IPO7: variants seen among roughly 807,000 people sequenced by gnomAD.
IPO7 encodes importin 7, also known as importin-7.
IPO7 carries 13 observed loss-of-function variants against 136.4 expected under a neutral mutation model. The ratio of observed to expected loss-of-function variants is 0.10; its 90% CI spans 0.06 to 0.15. IPO7 has a LOEUF of 0.15. Ranked by LOEUF, IPO7 falls within the 10% of genes least tolerant of loss-of-function variation. The pLI, the probability that IPO7 is intolerant of heterozygous loss-of-function variation, is 1.00. For missense variants in IPO7, 857 were observed against 1,240.6 expected (o/e 0.69, Z 4.65); for synonymous variants, 403 against 404.4 (o/e 1.00, Z 0.04).
intron 1 of IPO7, among the ~76,000 whole-genome samples, chr11:9,393,946 T>C (rs542593376): frequency 6.6e-6 from 1 of 152,188 alleles, no homozygotes; most frequent in East Asian, 1.9e-4. Context: ...GCAGTGGTGC[T>C]ATCTCGGCTC....
intron 1 of IPO7, among the ~76,000 whole-genome samples, chr11:9,398,264 A>G (rs1312320542): frequency 6.6e-6 from 1 of 152,224 alleles, no homozygotes; most frequent in Non-Finnish European, 1.5e-5. Context: ...GGGGATATAA[A>G]CAGTATAGTT....
intron 4 of IPO7, 127 bp from the exon 5 acceptor site, chr11:9,414,128 T>C: frequency 4.8e-6 from 3 of 626,372 alleles, no homozygotes; most frequent in Non-Finnish European, 7.8e-6. Context: ...TTGTTCTAGA[T>C]ATTTTTCTTT....
intron 5 of IPO7, among the ~76,000 whole-genome samples, chr11:9,414,878 G>A (rs932301768): frequency 1.3e-5 from 2 of 151,654 alleles, no homozygotes; most frequent in African/African-American, 2.4e-5. Context: ...CCTGCCTTGG[G>A]CTCCCAAAGT....
chr11:9,440,439 T>C lies in IPO7; in HGVS notation c.2696-16T>C, dbSNP rs979655363. 2.5e-6 allele frequency: 4 copies of C among 1,590,408 alleles called. No homozygotes were observed. The highest frequency in any genetic ancestry group is 1.7e-4 in the Middle Eastern group (1 of 6,044). On this transcript the variant is annotated splice_polypyrimidine_tract_variant and intron_variant, in intron 22 of 24. Coordinates refer to ENST00000379719, the MANE Select transcript of IPO7 (RefSeq NM_006391.3). ...TATGTCATTGTTATAAAAGTACTTA[T>C]ATTATGACTTGGCAGAGGAACTGGG...
chr11:9,422,226 C>T (rs1855143228), intron 8 of IPO7, among the ~76,000 whole-genome samples: 1 of 151,666 alleles, frequency 6.6e-6, no homozygotes, highest in African/African-American at 2.4e-5. Flanking sequence ...TTGCGGTGGG[C>T]CGAGATTGCA....
chr11:9,427,749 G>C (rs1430572080), intron 12 of IPO7, among the ~76,000 whole-genome samples: 1 of 152,154 alleles, frequency 6.6e-6, no homozygotes, highest in Non-Finnish European at 1.5e-5. Flanking sequence ...GGTAGGCAAA[G>C]TTATCAAAAA....
chr11:9,414,271 G>A lies in IPO7; in HGVS notation c.496G>A (p.Glu166Lys), dbSNP rs1475752135. 1 of 1,610,608 alleles carries A rather than the reference G, an allele frequency of 6.2e-7. No homozygotes were observed. Among genetic ancestry groups the A allele is most frequent in the Non-Finnish European group, 8.5e-7 (1 of 1,179,104 alleles). ...VKNYEYKKPEERSPLVAAMQH... is the reference protein window; with the variant it reads ...VKNYEYKKPEKRSPLVAAMQH... The stretch of plus-strand genomic sequence containing the variant: ...TACTCAAAGGTATAAAAAACCAGAG[G>A]AGCGGAGTCCATTGGTAGCAGCAAT... Residue 166 changes from glutamate (E) to lysine (K), a missense_variant, in exon 5 of 25, where the codon GAG becomes AAG. By Grantham distance (56) the Glu-to-Lys change is moderately conservative. Transcript: ENST00000379719.
intron 22 of IPO7, among the ~76,000 whole-genome samples, chr11:9,439,935 A>G (rs1855438141): frequency 1.3e-5 from 2 of 152,186 alleles, no homozygotes; most frequent in Non-Finnish European, 2.9e-5. Flanking sequence ...TGTTGACTAA[A>G]TTTATTGGAG....
chr11:9,396,117 C>T (rs547024687), intron 1 of IPO7, among the ~76,000 whole-genome samples: 2 of 151,806 alleles, frequency 1.3e-5, no homozygotes, highest in Admixed American at 6.6e-5. Flanking sequence ...AGTGTTGGGC[C>T]GGGCGTGGTG....
Position 9,438,077 on chromosome 11 carries a change from T to TTTTTTA in IPO7, c.2490-3_2490-2insTTTTTA. ...TTTTTTTTTTTTTTTTTTTTTTTTT[T>TTTTTTA]AGGCTTCATGACAGAAAGATGTGTG... On this transcript the variant is annotated splice_region_variant and splice_polypyrimidine_tract_variant and intron_variant, in intron 21 of 24. Coordinates refer to ENST00000379719, the MANE Select transcript of IPO7 (RefSeq NM_006391.3). 8.3e-7 allele frequency: 1 copy of TTTTTTA among 1,201,300 alleles called. No homozygotes were observed. Among genetic ancestry groups the TTTTTTA allele is most frequent in the Non-Finnish European group, 1.2e-6 (1 of 866,686 alleles). The allele number at this position is 1,201,300 out of a possible 1,614,324, so 74.4% of individuals were successfully genotyped here. A position where few individuals can be genotyped will look rare whatever the true frequency, so the allele number is the denominator to read the frequency against.
At chr11:9,433,049 C>G (rs1434361359) in intron 16 of IPO7, 1 of 139,160 alleles carries the variant, frequency 7.2e-6, no homozygotes, top group African/African-American at 2.7e-5. Flanking sequence ...ACTGCAATGG[C>G]GCTCGGCTCA....
chr11:9,404,262 G>A (rs930541991), intron 2 of IPO7, among the ~76,000 whole-genome samples: 1 of 151,962 alleles, frequency 6.6e-6, no homozygotes, highest in African/African-American at 2.4e-5. Flanking sequence ...TCAGGAAATC[G>A]AGACCATCCT....
intron 8 of IPO7, 116 bp from the exon 9 acceptor site, chr11:9,422,890 T>G (rs910460777): frequency 3.6e-6 from 2 of 553,162 alleles, no homozygotes; most frequent in Non-Finnish European, 6.4e-6. Flanking sequence ...AGTATACGGT[T>G]GTTTTTCTTG....
In IPO7 at chr11:9,384,682, G is replaced by T; in HGVS notation, c.-82G>T. 4.3e-6 allele frequency: 5 copies of T among 1,165,720 alleles called. No homozygotes were observed. The highest frequency in any genetic ancestry group is 1.6e-5 in the African/African-American group (1 of 62,638). The allele number at this position is 1,165,720 out of a possible 1,614,324, so 72.2% of individuals were successfully genotyped here. ...CGCGCCGGTTGCCGCTGCGGAGCGCGGCGGGTCCATGTGCGCAGTGAGTGG... is the reference window on the plus strand; with the variant it reads ...CGCGCCGGTTGCCGCTGCGGAGCGCTGCGGGTCCATGTGCGCAGTGAGTGG... On this transcript the variant is annotated 5_prime_UTR_variant, in exon 1 of 25. Transcript: ENST00000379719.
At position 9,410,109 on chromosome 11, in the gene IPO7, A is replaced by G. The variant is rs377536054; in HGVS notation, c.479+23A>G. The stretch of plus-strand genomic sequence containing the variant: ...TGAGTAAGTGTTTCTTTCAACTCCT[A>G]TAGAGCTTTGAGAAGTAGGAAAAGT... On this transcript the variant is annotated intron_variant, in intron 4 of 24. Coordinates refer to ENST00000379719, the MANE Select transcript of IPO7 (RefSeq NM_006391.3). 136 of 1,487,842 alleles carry G rather than the reference A, an allele frequency of 9.1e-5. No homozygotes were observed. The African/African-American group carries it at 1.7e-3, about 18-fold the overall frequency. 92.2% of individuals were successfully genotyped at this position (1,487,842 alleles called of 1,614,324 possible). A position where few individuals can be genotyped will look rare whatever the true frequency, so the allele number is the denominator to read the frequency against.
chr11:9,390,738 C>T (rs978990427), intron 1 of IPO7, among the ~76,000 whole-genome samples: 3 of 131,944 alleles, frequency 2.3e-5, no homozygotes, highest in African/African-American at 8.4e-5. Flanking sequence ...GATCGCTCGT[C>T]CAGGAGTTTG....
At chr11:9,425,397 A>G in intron 12 of IPO7, 135 bp downstream of exon 12, 1 of 639,656 alleles carries the variant, frequency 1.6e-6, no homozygotes, top group Non-Finnish European at 2.8e-6. Flanking sequence ...GCCTGAGCCC[A>G]GGAGTTTGAG....
chr11:9,398,985 A>G, intron 1 of IPO7, among the ~76,000 whole-genome samples: 1 of 152,224 alleles, frequency 6.6e-6, no homozygotes, highest in East Asian at 1.9e-4. Context: ...GTCTTCATGT[A>G]GGACCTTGGA....
At chr11:9,432,794 GC>G (rs952830288) in intron 16 of IPO7, among the ~76,000 whole-genome samples, 2 of 152,054 alleles carry the variant, frequency 1.3e-5, no homozygotes, top group Non-Finnish European at 2.9e-5. Context: ...TGAGTTGGGG[GC>G]TGAGTTCACA....
Sources: gnomAD v4.1 joint callset for allele counts (sites outside exome capture counted in the v4.1 genomes callset) on GRCh38, gnomAD v4.1.1 for gene constraint, MANE v1.5 for transcripts, NCBI Gene and HGNC (gene_info 2026-07-23, HGNC 2026-07-21) for gene names.